The following RAB15 variants were observed in gnomAD, a reference collection of about 807,000 sequenced individuals.
RAB15 encodes ras-related protein Rab-15.
RAB15 carries 13 observed loss-of-function variants against 31.8 expected under a neutral mutation model. The observed-to-expected ratio is 0.41, with a 90% confidence interval of 0.27 to 0.65. The LOEUF (loss-of-function observed/expected upper bound fraction) is 0.65, where lower values mean the gene tolerates loss of function less well. Ranked by LOEUF, RAB15 falls within the 30% of genes least tolerant of loss-of-function variation. RAB15 has a pLI of 0.32. For missense variants in RAB15, 220 were observed against 277.3 expected (o/e 0.79, Z 1.47); for synonymous variants, 100 against 105.6 (o/e 0.95, Z 0.33).
At position 64,952,926 on chromosome 14, in the gene RAB15, C is replaced by T. The variant is rs933390597; in HGVS notation, c.125-355G>A. Among the ~76,000 whole-genome samples, 4 of 152,210 alleles carry T rather than the reference C, an allele frequency of 2.6e-5. No individual in the cohort carries two copies. Among genetic ancestry groups the T allele is most frequent in the Non-Finnish European group, 4.4e-5 (3 of 68,036 alleles). On this transcript the variant is annotated intron_variant, in intron 1 of 6. Transcript: ENST00000533601. This position sits in a 1 kb window ranked among gnomAD's most constrained non-coding sequence, Gnocchi z 4.2. ...TTCCTATTTATACTTCTGGAGAGAA[C>T]GCTGTGTTTATCCTTCCTGAAATTC...
In RAB15 at chr14:64,958,737, G is replaced by A. The variant is rs1886704629; in HGVS notation, c.125-6166C>T. Among the ~76,000 whole-genome samples the A allele has an allele frequency of 6.6e-6, 1 of 152,226 alleles. No homozygotes were observed. Among genetic ancestry groups the A allele is most frequent in the Admixed American group, 6.5e-5 (1 of 15,286 alleles). ...AAACCACTTCTACACAGCTCTGGCA[G>A]AGGTTCTCGGAGACGCTGAGAGCCC... On this transcript the variant is annotated intron_variant, in intron 1 of 6. Transcript: ENST00000533601. This position sits in a 1 kb window ranked among gnomAD's most constrained non-coding sequence, Gnocchi z 4.4.
Position 64,955,362 on chromosome 14 carries a change from A to G in RAB15, c.125-2791T>C, listed in dbSNP as rs1886490804. Among the ~76,000 whole-genome samples the G allele has an allele frequency of 6.6e-6, 1 of 152,128 alleles. No individual in the cohort carries two copies. Among genetic ancestry groups the G allele is most frequent in the Non-Finnish European group, 1.5e-5 (1 of 68,008 alleles). On this transcript the variant is annotated intron_variant, in intron 1 of 6. Coordinates refer to ENST00000533601, the MANE Select transcript of RAB15 (RefSeq NM_001308154.2). The surrounding 1 kb of genome is among the most constrained non-coding windows in gnomAD (Gnocchi z 4.4). ...GGGCCTTCAGCTGTGTCCACCTACC[A>G]GTCAAGCCCTGGCCCCAGTAACCCG...
Position 64,954,560 on chromosome 14 carries a change from G to A in RAB15, c.125-1989C>T, listed in dbSNP as rs1473600999. 1 of 980,794 alleles carries A rather than the reference G, an allele frequency of 1.0e-6. No homozygotes were observed. Among genetic ancestry groups the A allele is most frequent in the Non-Finnish European group, 1.2e-6 (1 of 825,852 alleles). 60.8% of individuals were successfully genotyped at this position (980,794 alleles called of 1,614,324 possible). A position where few individuals can be genotyped will look rare whatever the true frequency, so the allele number is the denominator to read the frequency against. ...TTCCTTTATCCCACAAACATTTATGGGAACTTCCTATGTGCCCTGCACAGT... is the reference window on the plus strand; with the variant it reads ...TTCCTTTATCCCACAAACATTTATGAGAACTTCCTATGTGCCCTGCACAGT... On this transcript the variant is annotated intron_variant, in intron 1 of 6. Coordinates refer to ENST00000533601, the MANE Select transcript of RAB15 (RefSeq NM_001308154.2). This position sits in a 1 kb window ranked among gnomAD's most constrained non-coding sequence, Gnocchi z 4.3.
intron 1 of RAB15, among the ~76,000 whole-genome samples, chr14:64,966,135 C>T (rs1261706774): frequency 1.3e-5 from 2 of 152,216 alleles, no homozygotes; most frequent in African/African-American, 4.8e-5. Context: ...AGAGCAGAAA[C>T]TGAAATGAAA....
rs1886070671 is a variant in RAB15, at chr14:64,948,827, A to G, written c.415-94T>C. 5 of 1,081,874 alleles carry G rather than the reference A, an allele frequency of 4.6e-6. No homozygotes were observed. The highest frequency in any genetic ancestry group is 1.9e-5 in the Admixed American group (1 of 51,670). The allele number at this position is 1,081,874 out of a possible 1,614,324, so 67.0% of individuals were successfully genotyped here. A position where few individuals can be genotyped will look rare whatever the true frequency, so the allele number is the denominator to read the frequency against. ...GGCTTCTGCCACTGCACTCACAACC[A>G]TGCTGTGTTGTGACGATTTCTCAGA... On this transcript the variant is annotated intron_variant, in intron 5 of 6. Transcript: ENST00000533601. The surrounding 1 kb of genome is among the most constrained non-coding windows in gnomAD (Gnocchi z 7.0).
At position 64,951,262 on chromosome 14, in the gene RAB15, G is replaced by A; in HGVS notation, c.247-111C>T. On this transcript the variant is annotated intron_variant, in intron 3 of 6. Transcript: ENST00000533601. This position sits in a 1 kb window ranked among gnomAD's most constrained non-coding sequence, Gnocchi z 7.2. ...TGGGTCCCACTCTCCCATTCTCCCT[G>A]CTCAGCATCCAGAAATATCTCTTCT... The A allele has an allele frequency of 1.2e-6, 1 of 855,598 alleles. No homozygotes were observed. 53.0% of individuals were successfully genotyped at this position (855,598 alleles called of 1,614,324 possible).
Position 64,970,479 on chromosome 14 carries a change from T to C in RAB15, c.124+1474A>G, listed in dbSNP as rs922675360. Among the ~76,000 whole-genome samples, 1 of 152,228 alleles carries C rather than the reference T, an allele frequency of 6.6e-6. No individual in the cohort carries two copies. Among genetic ancestry groups the C allele is most frequent in the Non-Finnish European group, 1.5e-5 (1 of 68,046 alleles). On this transcript the variant is annotated intron_variant, in intron 1 of 6. Transcript: ENST00000533601. The surrounding 1 kb of genome is among the most constrained non-coding windows in gnomAD (Gnocchi z 4.1). ...TCCTAAGAGTTGGCCTTACAGCTCCTCTGAGAAAGACGGACAAGTTCTGTT... is the reference window on the plus strand; with the variant it reads ...TCCTAAGAGTTGGCCTTACAGCTCCCCTGAGAAAGACGGACAAGTTCTGTT...
Position 64,948,429 on chromosome 14 carries a change from C to A in RAB15, c.564G>T (p.Leu188Phe), listed in dbSNP as rs983828410. ...EGLRMRASNE[L>F]ALAELEEEEG... The stretch of plus-strand genomic sequence containing the variant: ...CCTCCTCCTCCAGCTCTGCCAGTGC[C>A]AACTCATTGCTGGCACGCATCCGGA... The change falls in exon 7 of 7, where the codon TTG becomes TTT. Residue 188 changes from leucine (L) to phenylalanine (F), a missense_variant. Leu to Phe is a conservative substitution (Grantham distance 22, BLOSUM62 0). Coordinates refer to ENST00000533601, the MANE Select transcript of RAB15 (RefSeq NM_001308154.2). The surrounding 1 kb of genome is among the most constrained non-coding windows in gnomAD (Gnocchi z 7.0). The A allele has an allele frequency of 6.2e-6, 10 of 1,613,714 alleles. No individual in the cohort carries two copies. Among genetic ancestry groups the A allele is most frequent in the Non-Finnish European group, 7.6e-6 (9 of 1,179,928 alleles).
Position 64,947,975 on chromosome 14 carries a change from A to AAG in RAB15, c.*377_*378dup, listed in dbSNP as rs931055443. 2 of 194,132 alleles carry AAG rather than the reference A, an allele frequency of 1.0e-5. No homozygotes were observed. Among genetic ancestry groups the AAG allele is most frequent in the East Asian group, 2.4e-4 (2 of 8,164 alleles). 12.0% of individuals were successfully genotyped at this position (194,132 alleles called of 1,614,324 possible). ...GGGGTCAGAGAAAGAGAAGTGGGGG[A>AAG]AGAGAGAAAAAGCAGAGAAGAGACA... On this transcript the variant is annotated 3_prime_UTR_variant, in exon 7 of 7. Coordinates refer to ENST00000533601, the MANE Select transcript of RAB15 (RefSeq NM_001308154.2). This position sits in a 1 kb window ranked among gnomAD's most constrained non-coding sequence, Gnocchi z 5.6.
rs1198715799 is a variant in RAB15 at position 64,953,433 on chromosome 14, G to A, written c.125-862C>T. ...GGGCCGGGTACATGCGGGTGCTTAT[G>A]AGTGACTGTCATAGGACCAGATGAA... On this transcript the variant is annotated intron_variant, in intron 1 of 6. Coordinates refer to ENST00000533601, the MANE Select transcript of RAB15 (RefSeq NM_001308154.2). This position sits in a 1 kb window ranked among gnomAD's most constrained non-coding sequence, Gnocchi z 4.6. 6.6e-6 allele frequency among the ~76,000 whole-genome samples: 1 copy of A among 152,196 alleles called. No individual in the cohort carries two copies. The highest frequency in any genetic ancestry group is 1.5e-5 in the Non-Finnish European group (1 of 68,032).
At chr14:64,960,368 A>T (rs1566846725) in intron 1 of RAB15, among the ~76,000 whole-genome samples, 2 of 152,010 alleles carry the variant, frequency 1.3e-5, no homozygotes. Flanking sequence ...ACTAAAGAAC[A>T]CCCCTTCCCA....
Position 64,948,507 on chromosome 14 carries a change from G to T in RAB15, c.486C>A (p.Phe162Leu), listed in dbSNP as rs775556694. Residue 162 changes from phenylalanine (F) to leucine (L), a missense_variant, in exon 7 of 7, where the codon TTC becomes TTA. Coordinates refer to ENST00000533601, the MANE Select transcript of RAB15 (RefSeq NM_001308154.2). The surrounding 1 kb of genome is among the most constrained non-coding windows in gnomAD (Gnocchi z 7.0). ...GCAGCACCAGCTCTGTCAGACGCGT[G>T]AATGACTGGAAACCAAAGGGCACAG... ...ACTNLNIKES[F>L]TRLTELVLQA... 1.2e-6 allele frequency: 2 copies of T among 1,605,996 alleles called. No homozygotes were observed. Among genetic ancestry groups the T allele is most frequent in the Non-Finnish European group, 1.7e-6 (2 of 1,176,092 alleles).
rs1452459263 is a variant in RAB15, at chr14:64,951,158, G to C, written c.247-7C>G. ...CATAGACCAAAAATATCCCCTGAGA[G>C]AGAGAGAAATAGAGAGATGTGATAT... On this transcript the variant is annotated splice_polypyrimidine_tract_variant and splice_region_variant and intron_variant, in intron 3 of 6. Transcript: ENST00000533601. The surrounding 1 kb of genome is among the most constrained non-coding windows in gnomAD (Gnocchi z 7.2). 3.7e-6 allele frequency: 6 copies of C among 1,608,402 alleles called. No individual in the cohort carries two copies. The highest frequency in any genetic ancestry group is 2.7e-5 in the African/African-American group (2 of 74,852).
At position 64,953,656 on chromosome 14, in the gene RAB15, G is replaced by T. The variant is rs1886388477; in HGVS notation, c.125-1085C>A. On this transcript the variant is annotated intron_variant, in intron 1 of 6. Transcript: ENST00000533601. The surrounding 1 kb of genome is among the most constrained non-coding windows in gnomAD (Gnocchi z 4.6). The stretch of plus-strand genomic sequence containing the variant: ...AAGTCAGCACCACCAGCAGCAGCCA[G>T]CTTGACTCTGAGTGACAACAGAGAG... 3 of 325,022 alleles carry T rather than the reference G, an allele frequency of 9.2e-6. No homozygotes were observed. The highest frequency in any genetic ancestry group is 1.3e-5 in the Non-Finnish European group (3 of 226,336). The allele number at this position is 325,022 out of a possible 1,614,324, so 20.1% of individuals were successfully genotyped here.
Position 64,948,816 on chromosome 14 carries a change from C to CA in RAB15, c.415-84dup, listed in dbSNP as rs1232956997. The CA allele has an allele frequency of 8.6e-7, 1 of 1,156,760 alleles. No homozygotes were observed. Among genetic ancestry groups the CA allele is most frequent in the Non-Finnish European group, 1.3e-6 (1 of 778,178 alleles). The allele number at this position is 1,156,760 out of a possible 1,614,324, so 71.7% of individuals were successfully genotyped here. A position where few individuals can be genotyped will look rare whatever the true frequency, so the allele number is the denominator to read the frequency against. ...AACCAGGCACAGGCTTCTGCCACTG[C>CA]ACTCACAACCATGCTGTGTTGTGAC... On this transcript the variant is annotated intron_variant, in intron 5 of 6. Transcript: ENST00000533601. The surrounding 1 kb of genome is among the most constrained non-coding windows in gnomAD (Gnocchi z 7.0).
rs778548829 is a variant in RAB15 at position 64,962,331 on chromosome 14, T to C, written c.124+9622A>G. Among the ~76,000 whole-genome samples, 9 of 152,248 alleles carry C rather than the reference T, an allele frequency of 5.9e-5. No homozygotes were observed. Among genetic ancestry groups the C allele is most frequent in the Non-Finnish European group, 1.0e-4 (7 of 68,046 alleles). ...GAAAATGCATTCATTCATTCCTTCA[T>C]TTGTTAATTCATTCATTCAAACTGT... is the stretch of plus-strand genomic sequence containing the variant. On this transcript the variant is annotated intron_variant, in intron 1 of 6. Transcript: ENST00000533601. This position sits in a 1 kb window ranked among gnomAD's most constrained non-coding sequence, Gnocchi z 4.2.
Position 64,971,917 on chromosome 14 carries a change from G to A in RAB15, c.124+36C>T. The A allele has an allele frequency of 1.3e-6, 2 of 1,539,270 alleles. No homozygotes were observed. Among genetic ancestry groups the A allele is most frequent in the Non-Finnish European group, 1.8e-6 (2 of 1,141,534 alleles). ...GGCGGCGGGGAAAGGGGCCGCGGGC[G>A]GGGAGGGAGGGGCGCCCCGGGCCAC... On this transcript the variant is annotated intron_variant, in intron 1 of 6. Coordinates refer to ENST00000533601, the MANE Select transcript of RAB15 (RefSeq NM_001308154.2). This position sits in a 1 kb window ranked among gnomAD's most constrained non-coding sequence, Gnocchi z 4.1.
chr14:64,948,233 A>G lies in RAB15; in HGVS notation c.*121T>C. 8 of 1,055,040 alleles carry G rather than the reference A, an allele frequency of 7.6e-6. No homozygotes were observed. The highest frequency in any genetic ancestry group is 1.0e-5 in the Non-Finnish European group (8 of 771,650). 65.4% of individuals were successfully genotyped at this position (1,055,040 alleles called of 1,614,324 possible). ...GGGCCAGGCAGGGGGAGTAGTGGCT[A>G]CTGATACTCAATAGGGTCATCACAC... On this transcript the variant is annotated 3_prime_UTR_variant, in exon 7 of 7. Coordinates refer to ENST00000533601, the MANE Select transcript of RAB15 (RefSeq NM_001308154.2). This position sits in a 1 kb window ranked among gnomAD's most constrained non-coding sequence, Gnocchi z 7.0.
rs1049937794 is a variant in RAB15 at position 64,953,345 on chromosome 14, T to C, written c.125-774A>G. Reference sequence around the variant, plus strand: ...CATTACCAGTATCTCAGAGGGTTGCTGAGGAGGCCGGATGAGATACAGCAC... The same window carrying C: ...CATTACCAGTATCTCAGAGGGTTGCCGAGGAGGCCGGATGAGATACAGCAC... On this transcript the variant is annotated intron_variant, in intron 1 of 6. Transcript: ENST00000533601. The surrounding 1 kb of genome is among the most constrained non-coding windows in gnomAD (Gnocchi z 4.6). 6.6e-6 allele frequency among the ~76,000 whole-genome samples: 1 copy of C among 152,154 alleles called. No individual in the cohort carries two copies. Among genetic ancestry groups the C allele is most frequent in the African/African-American group, 2.4e-5 (1 of 41,444 alleles).
Sources: gnomAD v4.1 joint callset for allele counts (sites outside exome capture counted in the v4.1 genomes callset) on GRCh38, gnomAD v4.1.1 for gene constraint, Gnocchi (gnomAD v3.1) non-coding constraint, MANE v1.5 for transcripts, NCBI Gene and HGNC (gene_info 2026-07-23, HGNC 2026-07-21) for gene names.